NRG3: variants seen among roughly 807,000 people sequenced by gnomAD.
NRG3 encodes the protein pro-neuregulin-3, membrane-bound isoform.
Under a neutral mutation model 66.9 loss-of-function variants are expected in NRG3, and 31 were observed. That is an observed-to-expected ratio of 0.46 (90% CI 0.35 to 0.63). The LOEUF (loss-of-function observed/expected upper bound fraction) is 0.63. Ranked by LOEUF, NRG3 falls within the 20% of genes least tolerant of loss-of-function variation. The probability of loss-of-function intolerance (pLI) is 0.00; values close to 1 mark genes in which losing one functional copy is unlikely to be tolerated. For synonymous variants in NRG3, 393 were observed against 359.4 expected (o/e 1.09, Z -1.06); for missense variants, 910 against 878.9 (o/e 1.04, Z -0.45).
intron 2 of NRG3, among the ~76,000 whole-genome samples, chr10:82,429,203 T>C (rs2089638732): frequency 6.6e-6 from 1 of 152,062 alleles, no homozygotes; most frequent in South Asian, 2.1e-4. Context: ...TATTGCTTGA[T>C]ACAGTTGTTT....
intron 2 of NRG3, among the ~76,000 whole-genome samples, chr10:82,409,782 AT>A (rs2087911933): frequency 6.6e-6 from 1 of 151,908 alleles, no homozygotes; most frequent in African/African-American, 2.4e-5. Flanking sequence ...GCAGTCAAAC[AT>A]TTTCTGGGCT....
rs79377722 is a variant in NRG3, at chr10:82,071,211, G to A, written c.823+195048G>A. On this transcript the variant is annotated intron_variant, in intron 1 of 8. Transcript: ENST00000372141. ...ATGAAGACACAGGTGATCCAGCAGT[G>A]GGCAAACAGAGGAAAATTCTTGTCA... Among the ~76,000 whole-genome samples the A allele has an allele frequency of 2.6e-3, 388 of 152,142 alleles. 2 individuals are homozygous for A. Among genetic ancestry groups the A allele is most frequent in the African/African-American group, 8.8e-3 (367 of 41,510 alleles).
intron 2 of NRG3, among the ~76,000 whole-genome samples, chr10:82,630,665 T>C (rs1464637672): frequency 3.3e-5 from 5 of 151,334 alleles, no homozygotes; most frequent in Admixed American, 1.3e-4. Context: ...TTGACAAGAG[T>C]GAAACTCTGT....
At chr10:82,029,537 T>A (rs1485720482) in intron 1 of NRG3, among the ~76,000 whole-genome samples, 1 of 152,144 alleles carries the variant, frequency 6.6e-6, no homozygotes, top group African/African-American at 2.4e-5. Context: ...TGCTGTATTA[T>A]CTGCTGGCGT....
intron 1 of NRG3, among the ~76,000 whole-genome samples, chr10:82,168,782 G>A (rs1354034729): frequency 6.6e-6 from 1 of 152,030 alleles, no homozygotes; most frequent in Non-Finnish European, 1.5e-5. Flanking sequence ...TTTTAAAATT[G>A]TGCTTTCTAC....
At chr10:82,546,697 T>C (rs2043941589) in intron 2 of NRG3, among the ~76,000 whole-genome samples, 1 of 152,200 alleles carries the variant, frequency 6.6e-6, no homozygotes. Flanking sequence ...CACCCAATCA[T>C]CCATCTTCAC....
chr10:82,171,921 A>AAT, intron 1 of NRG3, among the ~76,000 whole-genome samples: 1 of 152,208 alleles, frequency 6.6e-6, no homozygotes. Context: ...GGTGATAAGG[A>AAT]ATGACATTTT....
intron 1 of NRG3, among the ~76,000 whole-genome samples, chr10:82,185,374 C>T (rs1203018183): frequency 6.6e-6 from 1 of 152,044 alleles, no homozygotes; most frequent in Non-Finnish European, 1.5e-5. Context: ...TTTAACTTAG[C>T]CAGGTCTTTC....
intron 2 of NRG3, among the ~76,000 whole-genome samples, chr10:82,662,080 G>A (rs981938947): frequency 6.6e-6 from 1 of 152,176 alleles, no homozygotes; most frequent in African/African-American, 2.4e-5. Context: ...GCCATTGTTG[G>A]CGATATTGAT....
intron 1 of NRG3, among the ~76,000 whole-genome samples, chr10:81,881,168 CTTTTGTGTTTT>C (rs960872677): frequency 4.2e-4 from 63 of 150,524 alleles, no homozygotes; most frequent in African/African-American, 1.4e-3. Context: ...TCCTTTCAGG[CTTTTGTGTTTT>C]TTTTGTGTTT....
chr10:82,168,037 T>C (rs1276393547), intron 1 of NRG3, among the ~76,000 whole-genome samples: 3 of 152,110 alleles, frequency 2.0e-5, no homozygotes, highest in South Asian at 2.1e-4. Flanking sequence ...GTTTTGGAAA[T>C]TGAATATTTG....
intron 2 of NRG3, among the ~76,000 whole-genome samples, chr10:82,689,306 C>T (rs547617700): frequency 6.6e-6 from 1 of 152,210 alleles, no homozygotes; most frequent in East Asian, 1.9e-4. Context: ...AATGTATTTT[C>T]ATAAAAATGA....
intron 2 of NRG3, among the ~76,000 whole-genome samples, chr10:82,543,039 A>G (rs1434975313): frequency 6.6e-6 from 1 of 152,026 alleles, no homozygotes; most frequent in Non-Finnish European, 1.5e-5. Flanking sequence ...TTACAGGGAC[A>G]TGCCACCATA....
chr10:81,876,347 TG>T (rs987896717), intron 1 of NRG3, among the ~76,000 whole-genome samples, 184 bp downstream of exon 1: 29 of 152,196 alleles, frequency 1.9e-4, no homozygotes, highest in African/African-American at 6.5e-4. Context: ...GCTCTGGTTC[TG>T]GGGGGGTGGG....
intron 1 of NRG3, among the ~76,000 whole-genome samples, chr10:82,095,387 A>G (rs1461257468): frequency 1.4e-4 from 21 of 152,212 alleles, no homozygotes; most frequent in Admixed American, 1.3e-3. Context: ...AATCACTAAT[A>G]AAATAAATGC....
chr10:82,251,116 G>A (rs2077466217), intron 1 of NRG3, among the ~76,000 whole-genome samples: 2 of 152,270 alleles, frequency 1.3e-5, no homozygotes, highest in African/African-American at 2.4e-5. Context: ...AAAACCTGGA[G>A]AAGAATGTCA....
intron 1 of NRG3, among the ~76,000 whole-genome samples, chr10:82,266,434 G>A (rs576665210): frequency 6.6e-6 from 1 of 152,248 alleles, no homozygotes; most frequent in Admixed American, 6.5e-5. Context: ...ACCTTCCTGT[G>A]AGCAGTACTG....
At chr10:82,602,034 G>A (rs1483771864) in intron 2 of NRG3, among the ~76,000 whole-genome samples, 1 of 151,170 alleles carries the variant, frequency 6.6e-6, no homozygotes, top group East Asian at 1.9e-4. Context: ...AGTGAGCTAT[G>A]ATCATGCCAC....
intron 1 of NRG3, among the ~76,000 whole-genome samples, chr10:82,138,642 G>A (rs756384755): frequency 2.0e-5 from 3 of 152,178 alleles, no homozygotes; most frequent in Non-Finnish European, 4.4e-5. Context: ...AAGTCGAGGA[G>A]CAAGGAATTC....
Sources: allele counts gnomAD v4.1 joint callset (sites outside exome capture counted in the v4.1 genomes callset), GRCh38; gene constraint gnomAD v4.1.1; transcripts MANE v1.5; gene names NCBI Gene and HGNC (gene_info 2026-07-23, HGNC 2026-07-21).